The following PCDH15 variants were observed in gnomAD, a reference collection of about 807,000 sequenced individuals.
The protein encoded by PCDH15 is protocadherin-15.
Under a neutral mutation model 178.5 loss-of-function variants are expected in PCDH15, and 129 were observed. That is an observed-to-expected ratio of 0.72 (90% CI 0.63 to 0.84). The LOEUF (loss-of-function observed/expected upper bound fraction) is 0.84. PCDH15 is among the 40% of genes least tolerant of loss of function. PCDH15 has a pLI of 0.00. For missense variants in PCDH15, 2,230 were observed against 2,099.9 expected (o/e 1.06, Z -1.21); for synonymous variants, 800 against 732.0 (o/e 1.09, Z -1.50).
At position 55,211,801 on chromosome 10, in the gene PCDH15, G is replaced by A. The variant is rs187350930; in HGVS notation, c.-155-45150C>T. Among the ~76,000 whole-genome samples, 64 of 152,132 alleles carry A rather than the reference G, an allele frequency of 4.2e-4. No homozygotes were observed. In the South Asian group the frequency reaches 7.1e-3, roughly 17 times the overall value. The stretch of plus-strand genomic sequence containing the variant: ...GAGTTAACCCATAAGGAAAACCTAC[G>A]TATATGTAAAACCTAGAAATTCGGA... On this transcript the variant is annotated intron_variant, in intron 1 of 5. Transcript: ENST00000458638.
chr10:55,561,786 T>A (rs1209601466), intron 2 of PCDH15, among the ~76,000 whole-genome samples: 1 of 151,878 alleles, frequency 6.6e-6, no homozygotes, highest in Non-Finnish European at 1.5e-5. Flanking sequence ...TGAATTTGGA[T>A]TCATTTTGGG....
chr10:55,280,851 A>C (rs1313475297), intron 1 of PCDH15, among the ~76,000 whole-genome samples: 1 of 152,174 alleles, frequency 6.6e-6, no homozygotes, highest in Non-Finnish European at 1.5e-5. Context: ...TGTGCTATGA[A>C]ATATTAATGA....
intron 2 of PCDH15, among the ~76,000 whole-genome samples, chr10:55,046,098 C>T (rs1479528512): frequency 3.9e-5 from 6 of 152,000 alleles, no homozygotes; most frequent in Admixed American, 1.3e-4. Flanking sequence ...ACTAAGCATA[C>T]AGAGGGATTT....
chr10:55,374,413 G>A (rs1035039593), intron 2 of PCDH15, among the ~76,000 whole-genome samples: 1 of 152,004 alleles, frequency 6.6e-6, no homozygotes, highest in Non-Finnish European at 1.5e-5. Context: ...TCATTCCAGT[G>A]CTTGACTGAA....
intron 8 of PCDH15, among the ~76,000 whole-genome samples, chr10:54,293,345 A>C (rs1272353479): frequency 6.6e-6 from 1 of 152,230 alleles, no homozygotes; most frequent in Non-Finnish European, 1.5e-5. Flanking sequence ...TAAATGTTAG[A>C]CCTAAAATCA....
At chr10:54,226,177 C>T (rs1365258613) in intron 9 of PCDH15, among the ~76,000 whole-genome samples, 1 of 152,174 alleles carries the variant, frequency 6.6e-6, no homozygotes, top group Non-Finnish European at 1.5e-5. Flanking sequence ...CTTACAGTTC[C>T]ACGTGGCTGG....
intron 1 of PCDH15, among the ~76,000 whole-genome samples, chr10:55,303,771 T>C (rs1843349791): frequency 6.6e-6 from 1 of 152,244 alleles, no homozygotes; most frequent in Admixed American, 6.5e-5. Flanking sequence ...ATTTCATTCA[T>C]GATATTGATA....
intron 1 of PCDH15, among the ~76,000 whole-genome samples, chr10:55,173,508 C>T (rs1157893591): frequency 6.6e-6 from 1 of 151,954 alleles, no homozygotes; most frequent in Non-Finnish European, 1.5e-5. Flanking sequence ...ATTAATATGA[C>T]ATCGTTTAAT....
At chr10:54,944,408 T>A (rs533186459) in intron 2 of PCDH15, among the ~76,000 whole-genome samples, 1 of 152,008 alleles carries the variant, frequency 6.6e-6, no homozygotes, top group South Asian at 2.1e-4. Context: ...CTATTGTGAA[T>A]CTAAATTAAA....
intron 2 of PCDH15, among the ~76,000 whole-genome samples, chr10:54,543,007 C>T (rs2085429283): frequency 6.6e-6 from 1 of 152,130 alleles, no homozygotes; most frequent in South Asian, 2.1e-4. Flanking sequence ...GGGAGCACAC[C>T]AGCGGAAGAG....
intron 1 of PCDH15, among the ~76,000 whole-genome samples, chr10:55,208,314 C>T (rs1401192983): frequency 1.3e-5 from 2 of 152,010 alleles, no homozygotes; most frequent in African/African-American, 4.8e-5. Flanking sequence ...TCCTTTGTTG[C>T]CCTTTAGCTG....
rs188381001 is a variant in PCDH15, at chr10:54,214,128, A to T, written c.986-80T>A. ...TCTGCTTTTTCTATTTCCCTTCATC[A>T]GCTGAGGAACAAAGCTACAATTTCA... On this transcript the variant is annotated intron_variant, in intron 9 of 37. Coordinates refer to ENST00000644397, the MANE Select transcript of PCDH15 (RefSeq NM_001384140.1). 4.0e-4 allele frequency: 328 copies of T among 826,034 alleles called. 1 individual carries two copies. The African/African-American group carries it at 4.5e-3, about 11-fold the overall frequency. 51.2% of individuals were successfully genotyped at this position (826,034 alleles called of 1,614,324 possible).
At chr10:55,561,050 G>A (rs193057817) in intron 2 of PCDH15, among the ~76,000 whole-genome samples, 1 of 151,802 alleles carries the variant, frequency 6.6e-6, no homozygotes, top group African/African-American at 2.4e-5. Flanking sequence ...ATTTAGAAAT[G>A]TTCTGGAGAC....
intron 12 of PCDH15, 95 bp from the exon 13 acceptor site, chr10:54,183,688 A>T: frequency 6.9e-7 from 1 of 1,447,866 alleles, no homozygotes; most frequent in East Asian, 2.3e-5. Context: ...CTTACAGGTA[A>T]TCTTACAATT....
At chr10:54,707,205 G>C (rs986965379) in intron 1 of PCDH15, among the ~76,000 whole-genome samples, 4 of 152,006 alleles carry the variant, frequency 2.6e-5, no homozygotes, top group African/African-American at 9.7e-5. Context: ...CCCCAAAGAA[G>C]GGTCAGAGAA....
At chr10:54,510,932 G>A (rs1010273517) in intron 3 of PCDH15, among the ~76,000 whole-genome samples, 14 of 152,104 alleles carry the variant, frequency 9.2e-5, no homozygotes, top group Admixed American at 9.2e-4. Flanking sequence ...ATCAGAAGTG[G>A]AATGAACATC....
At chr10:55,319,622 C>T (rs541758781), upstream of PCDH15, 26 of 152,188 alleles carry the variant, frequency 1.7e-4, no homozygotes, top group African/African-American at 6.0e-4. Context: ...ATAGGGTTAT[C>T]GCAAACCAGG....
chr10:53,941,423 T>C (rs1016247656), intron 23 of PCDH15, among the ~76,000 whole-genome samples: 1 of 152,198 alleles, frequency 6.6e-6, no homozygotes, highest in Non-Finnish European at 1.5e-5. Flanking sequence ...AATCACACAG[T>C]ATGTAACCTT....
chr10:53,984,699 A>ATTT (rs1304687289), intron 21 of PCDH15, among the ~76,000 whole-genome samples: 1 of 151,974 alleles, frequency 6.6e-6, no homozygotes, highest in African/African-American at 2.4e-5. Flanking sequence ...TTCAAGGCAT[A>ATTT]TTTGTTTATT....
Sources: gnomAD v4.1 joint callset for allele counts (sites outside exome capture counted in the v4.1 genomes callset) on GRCh38, gnomAD v4.1.1 for gene constraint, MANE v1.5 for transcripts, NCBI Gene and HGNC (gene_info 2026-07-23, HGNC 2026-07-21) for gene names.